PMFBP1: variants seen among roughly 807,000 people sequenced by gnomAD.
PMFBP1 encodes polyamine-modulated factor 1-binding protein 1.
A neutral mutation model predicts 137.8 loss-of-function variants in PMFBP1; 131 were observed. The observed-to-expected ratio is 0.95, with a 90% CI of 0.82 to 1.10. PMFBP1 has a LOEUF of 1.10. PMFBP1 is among the 50% of genes least tolerant of loss of function. The pLI is 0.00. For missense variants in PMFBP1, 1,199 were observed against 1,175.4 expected (o/e 1.02, Z -0.29); for synonymous variants, 490 against 450.4 (o/e 1.09, Z -1.11).
upstream of PMFBP1, chr16:72,174,095 C>T (rs1216495848): frequency 2.6e-5 from 4 of 152,310 alleles, no homozygotes; most frequent in East Asian, 7.7e-4. Flanking sequence ...GTAGTGAAAA[C>T]AAAAACTTGG....
the PMFBP1 span, among the ~76,000 whole-genome samples, chr16:72,209,047 C>T: frequency 6.6e-6 from 1 of 152,240 alleles, no homozygotes; most frequent in African/African-American, 2.4e-5. Flanking sequence ...CTTTTCTCCA[C>T]ACACCTCCGC....
At chr16:72,231,956 G>A in the PMFBP1 span, among the ~76,000 whole-genome samples, 2 of 117,430 alleles carry the variant, frequency 1.7e-5, no homozygotes, top group Non-Finnish European at 3.7e-5. Flanking sequence ...CTTCAAAGAT[G>A]GAAACATTTT....
chr16:72,121,302 T>C (rs1025801844), intron 19 of PMFBP1, among the ~76,000 whole-genome samples: 1 of 152,178 alleles, frequency 6.6e-6, no homozygotes, highest in Non-Finnish European at 1.5e-5. Flanking sequence ...CCAGTGCTGG[T>C]GGGTCTGGAG....
At chr16:72,200,502 C>T in the PMFBP1 span, among the ~76,000 whole-genome samples, 12 of 152,266 alleles carry the variant, frequency 7.9e-5, no homozygotes, top group East Asian at 1.9e-3. Flanking sequence ...GGAACATTCC[C>T]GCACACAGAG....
the PMFBP1 span, among the ~76,000 whole-genome samples, chr16:72,195,899 G>A: frequency 1.3e-5 from 2 of 152,064 alleles, no homozygotes; most frequent in Non-Finnish European, 2.9e-5. Context: ...ATCTGAAAAA[G>A]TCATTTTTGT....
At chr16:72,227,996 GTAA>G in the PMFBP1 span, among the ~76,000 whole-genome samples, 1 of 152,138 alleles carries the variant, frequency 6.6e-6, no homozygotes, top group Admixed American at 6.6e-5. Context: ...AGCCCCCATG[GTAA>G]CCTACCTGAA....
chr16:72,128,972 G>A, intron 13 of PMFBP1, 94 bp downstream of exon 13: 1 of 1,531,552 alleles, frequency 6.5e-7, no homozygotes, highest in Non-Finnish European at 8.8e-7. Flanking sequence ...CCTAAGCTCT[G>A]AGCATCCAGG....
chr16:72,219,555 G>A, the PMFBP1 span, among the ~76,000 whole-genome samples: 1 of 94,286 alleles, frequency 1.1e-5, no homozygotes, highest in Non-Finnish European at 1.8e-5. Flanking sequence ...ATGTGGGCGG[G>A]GGGGCCTGTT....
At chr16:72,138,498 C>A (rs1419448249) in intron 7 of PMFBP1, among the ~76,000 whole-genome samples, 1 of 152,074 alleles carries the variant, frequency 6.6e-6, no homozygotes, top group Non-Finnish European at 1.5e-5. Flanking sequence ...ACTCCTGGTT[C>A]ATCAACTTTT....
intron 2 of PMFBP1, among the ~76,000 whole-genome samples, chr16:72,166,166 A>G (rs2043141853): frequency 6.6e-6 from 1 of 152,132 alleles, no homozygotes; most frequent in Non-Finnish European, 1.5e-5. Context: ...CCCCAACCAA[A>G]CCTCATCTCA....
At chr16:72,190,091 C>T in the PMFBP1 span, among the ~76,000 whole-genome samples, 2 of 152,140 alleles carry the variant, frequency 1.3e-5, no homozygotes, top group Non-Finnish European at 2.9e-5. Flanking sequence ...GGGGAAGTCA[C>T]AAATCTTGTG....
chr16:72,129,284 T>C lies in PMFBP1; in HGVS notation c.1783-51A>G, dbSNP rs577844326. The C allele has an allele frequency of 1.5e-5, 24 of 1,569,762 alleles. No homozygotes were observed. The South Asian group carries it at 2.8e-4, about 18-fold the overall frequency. On this transcript the variant is annotated intron_variant, in intron 12 of 20. Transcript: ENST00000237353. ...AGACTGTCTTAGACTATATTATATT[T>C]GGGGGAAAAATACAGACAATTGCAC... is the stretch of plus-strand genomic sequence containing the variant.
At chr16:72,206,169 G>A in the PMFBP1 span, among the ~76,000 whole-genome samples, 1 of 152,142 alleles carries the variant, frequency 6.6e-6, no homozygotes, top group Non-Finnish European at 1.5e-5. Context: ...GGTAGATCTG[G>A]GCTCACATTC....
intron 16 of PMFBP1, 93 bp from the exon 17 acceptor site, chr16:72,125,027 A>G (rs920770693): frequency 6.7e-7 from 1 of 1,481,864 alleles, no homozygotes; most frequent in Non-Finnish European, 9.2e-7. Flanking sequence ...GGGCCTTGGG[A>G]TACGTGTTGG....
intron 14 of PMFBP1, among the ~76,000 whole-genome samples, chr16:72,127,361 G>A (rs2042477731): frequency 6.6e-6 from 1 of 152,188 alleles, no homozygotes; most frequent in Non-Finnish European, 1.5e-5. Flanking sequence ...TCTGAAAACA[G>A]AAGTGCATCT....
intron 9 of PMFBP1, among the ~76,000 whole-genome samples, chr16:72,135,740 G>GTTTTTTTT (rs869189990): frequency 8.4e-4 from 56 of 66,816 alleles, no homozygotes; most frequent in African/African-American, 1.2e-3. Context: ...TAATTTTTCT[G>GTTTTTTTT]TTTTTTTTTT....
chr16:72,134,305 C>A (rs2042592222), intron 9 of PMFBP1, among the ~76,000 whole-genome samples: 1 of 152,128 alleles, frequency 6.6e-6, no homozygotes, highest in Non-Finnish European at 1.5e-5. Flanking sequence ...CTGCTAACAT[C>A]CTGAGTAGCT....
the PMFBP1 span, among the ~76,000 whole-genome samples, chr16:72,241,075 G>A: frequency 6.6e-6 from 1 of 152,122 alleles, no homozygotes; most frequent in Non-Finnish European, 1.5e-5. Context: ...AAGAAGATAT[G>A]TAGGTATTTA....
chr16:72,226,484 GC>G, the PMFBP1 span, among the ~76,000 whole-genome samples: 1 of 152,062 alleles, frequency 6.6e-6, no homozygotes, highest in South Asian at 2.1e-4. Context: ...GACTGTTTCT[GC>G]CCCCATTTCA....
Sources: allele counts gnomAD v4.1 joint callset (sites outside exome capture counted in the v4.1 genomes callset), GRCh38; gene constraint gnomAD v4.1.1; transcripts MANE v1.5; gene names NCBI Gene and HGNC (gene_info 2026-07-23, HGNC 2026-07-21).